The following WDFY3 variants were observed in gnomAD, a reference collection of about 807,000 sequenced individuals.
The protein encoded by WDFY3 is WD repeat and FYVE domain-containing protein 3.
WDFY3 carries 66 observed loss-of-function variants against 409.6 expected under a neutral mutation model. The ratio of observed to expected loss-of-function variants is 0.16; its 90% CI spans 0.13 to 0.20. The LOEUF (loss-of-function observed/expected upper bound fraction) is 0.20. Among genes scored for constraint, WDFY3 ranks in the 10% least tolerant of loss-of-function variants. The pLI, the probability that WDFY3 is intolerant of heterozygous loss-of-function variation, is 1.00. For missense variants in WDFY3, 3,031 were observed against 4,298.1 expected, an observed-to-expected ratio of 0.71 and a Z score of 8.24; for synonymous variants, 1,521 against 1,537.1, an observed-to-expected ratio of 0.99 and a Z score of 0.25.
At chr4:84,734,955 A>T (rs1473886923) in intron 43 of WDFY3, 88 bp downstream of exon 43, 7 of 1,121,714 alleles carry the variant, frequency 6.2e-6, no homozygotes, top group Non-Finnish European at 9.1e-6. Flanking sequence ...AAGTACCTTA[A>T]AATGGGCAGA....
chr4:84,685,364 T>A (rs1000707569), intron 62 of WDFY3, among the ~76,000 whole-genome samples: 8 of 152,118 alleles, frequency 5.3e-5, no homozygotes, highest in African/African-American at 1.9e-4. Flanking sequence ...TCCTTGCTCC[T>A]CCCACCCCCT....
intron 30 of WDFY3, among the ~76,000 whole-genome samples, chr4:84,769,951 C>G (rs575695438): frequency 1.2e-4 from 19 of 152,216 alleles, no homozygotes; most frequent in African/African-American, 4.3e-4. Flanking sequence ...CACCCTCCAC[C>G]AGAAAAAATT....
At chr4:84,884,168 T>C (rs1763892865) in intron 3 of WDFY3, among the ~76,000 whole-genome samples, 1 of 152,200 alleles carries the variant, frequency 6.6e-6, no homozygotes, top group African/African-American at 2.4e-5. Context: ...TTTTGGTTTA[T>C]GCATATATTT....
At chr4:84,860,286 G>C in intron 4 of WDFY3, 126 bp downstream of exon 4, 1 of 1,119,202 alleles carries the variant, frequency 8.9e-7, no homozygotes, top group Non-Finnish European at 1.3e-6. Flanking sequence ...CATGAAACGA[G>C]AACACCAAAC....
At chr4:84,964,505 G>A (rs1432117056) in intron 1 of WDFY3, among the ~76,000 whole-genome samples, 2 of 152,132 alleles carry the variant, frequency 1.3e-5, no homozygotes, top group Non-Finnish European at 2.9e-5. Context: ...AAGAACAACT[G>A]ATGTAAACTT....
chr4:84,772,871 C>G lies in WDFY3; in HGVS notation c.4813G>C (p.Val1605Leu). ...PTFAVCEKFV[V>L]MEINNEEKLD... ...TTCTCTTCATTATTTATTTCCATTA[C>G]TACAAATTTCTCACAAACCGCAAAG... The change falls in exon 30 of 68, where the codon GTA becomes CTA. Residue 1605 changes from valine to leucine, a missense_variant. This residue lies in a region of WDFY3 where 342 missense variants were observed against 463.7 expected (regional missense o/e 0.74). Transcript: ENST00000295888. 6.2e-7 allele frequency: 1 copy of G among 1,611,282 alleles called. No individual in the cohort carries two copies. Among genetic ancestry groups the G allele is most frequent in the Non-Finnish European group, 8.5e-7 (1 of 1,178,950 alleles).
At chr4:84,768,478 T>C (rs1744074832) in intron 30 of WDFY3, among the ~76,000 whole-genome samples, 1 of 152,066 alleles carries the variant, frequency 6.6e-6, no homozygotes, top group Non-Finnish European at 1.5e-5. Context: ...AACTTGAAAA[T>C]CCTAGGGCCC....
intron 16 of WDFY3, 81 bp downstream of exon 16, chr4:84,803,209 C>T: frequency 7.3e-7 from 1 of 1,374,138 alleles, no homozygotes; most frequent in East Asian, 2.5e-5. Context: ...TCTTCCTCAA[C>T]CCCCTAGCTC....
At chr4:84,810,961 C>A (rs913121413) in intron 13 of WDFY3, among the ~76,000 whole-genome samples, 17 of 152,088 alleles carry the variant, frequency 1.1e-4, no homozygotes, top group Non-Finnish European at 2.4e-4. Flanking sequence ...CAAACATTTA[C>A]TTTCTGAACT....
At chr4:84,857,789 T>C (rs986102418) in intron 4 of WDFY3, among the ~76,000 whole-genome samples, 3 of 152,182 alleles carry the variant, frequency 2.0e-5, no homozygotes, top group African/African-American at 7.2e-5. Flanking sequence ...AGTAAGGAAA[T>C]GTACATTCTA....
intron 67 of WDFY3, among the ~76,000 whole-genome samples, chr4:84,675,278 G>A (rs1293011190): frequency 2.6e-5 from 4 of 151,920 alleles, no homozygotes; most frequent in Non-Finnish European, 5.9e-5. Context: ...TTATAGAGCA[G>A]GCCTTTCAAA....
chr4:84,737,280 C>T lies in WDFY3; in HGVS notation c.6661G>A (p.Val2221Ile). 1 of 1,614,018 alleles carries T rather than the reference C, an allele frequency of 6.2e-7. No homozygotes were observed. Among genetic ancestry groups the T allele is most frequent in the East Asian group, 2.2e-5 (1 of 44,858 alleles). Residue 2221 changes from valine to isoleucine, a missense_variant, in exon 41 of 68, where the codon GTA becomes ATA. Physicochemically the swap from Val to Ile is conservative, Grantham distance 29. Transcript: ENST00000295888. ...KKQVLEELFK[V>I]TLPVNERGHV... ...CCCCTTTCATTCACAGGTAGAGTTA[C>T]TTTGAAAAGTTCCTCTAAGACTTGT...
intron 1 of WDFY3, among the ~76,000 whole-genome samples, chr4:84,937,391 A>C (rs2151003729): frequency 6.6e-6 from 1 of 152,144 alleles, no homozygotes; most frequent in South Asian, 2.1e-4. Context: ...TGACCTTTAA[A>C]GTTTAGGTTG....
In WDFY3 at chr4:84,670,910, A is replaced by T. The variant is rs1725352581; in HGVS notation, c.*1958T>A. On this transcript the variant is annotated 3_prime_UTR_variant, in exon 68 of 68. Transcript: ENST00000295888. Reference sequence around the variant, plus strand: ...TGGGGGGAGTAAGACACAGAAAGGAAAACAGAACACAACTTTTCTTTAAAT... The same window carrying T: ...TGGGGGGAGTAAGACACAGAAAGGATAACAGAACACAACTTTTCTTTAAAT... 1 of 152,596 alleles carries T rather than the reference A, an allele frequency of 6.6e-6. No homozygotes were observed. The highest frequency in any genetic ancestry group is 6.5e-5 in the Admixed American group (1 of 15,286). 9.5% of individuals were successfully genotyped at this position (152,596 alleles called of 1,614,324 possible).
chr4:84,780,029 AAAC>A, intron 26 of WDFY3, 76 bp downstream of exon 26: 1 of 1,406,074 alleles, frequency 7.1e-7, no homozygotes, highest in Non-Finnish European at 9.4e-7. Flanking sequence ...CCAGAGTTTC[AAAC>A]AACATGAATG....
intron 2 of WDFY3, among the ~76,000 whole-genome samples, chr4:84,918,725 T>G (rs1768838162): frequency 6.6e-6 from 1 of 151,460 alleles, no homozygotes; most frequent in African/African-American, 2.4e-5. Flanking sequence ...AAATTCTTAT[T>G]TTGAAAAAAA....
At position 84,808,580 on chromosome 4, in the gene WDFY3, T is replaced by C. The variant is rs149065442; in HGVS notation, c.2346-163A>G. Among the ~76,000 whole-genome samples the C allele has an allele frequency of 1.8e-4, 28 of 152,320 alleles. 1 individual carries two copies. The East Asian group carries it at 5.2e-3, about 28-fold the overall frequency. ...ACAAGACTACAACACAAGCACTGAA[T>C]GAAACAGAAAAGCATGCTCACGGCA... On this transcript the variant is annotated intron_variant, in intron 14 of 67. Transcript: ENST00000295888.
chr4:84,688,476 C>A (rs780270947), intron 61 of WDFY3, among the ~76,000 whole-genome samples: 10 of 152,148 alleles, frequency 6.6e-5, no homozygotes, highest in Non-Finnish European at 1.5e-4. Context: ...TAGAGAGAAG[C>A]CTGGAGCACT....
At chr4:84,766,114 G>A in intron 31 of WDFY3, 87 bp from the exon 32 acceptor site, 2 of 1,517,912 alleles carry the variant, frequency 1.3e-6, no homozygotes, top group South Asian at 1.3e-5. Context: ...AAAGAAGACT[G>A]AGTTTCATTC....
Sources: allele counts gnomAD v4.1 joint callset (sites outside exome capture counted in the v4.1 genomes callset), GRCh38; gene constraint gnomAD v4.1.1; regional missense constraint gnomAD v4.1.1; transcripts MANE v1.5; gene names NCBI Gene and HGNC (gene_info 2026-07-23, HGNC 2026-07-21).